The following SNTG1 variants were observed in gnomAD, a reference collection of about 807,000 sequenced individuals.
SNTG1 encodes the protein syntrophin gamma 1, also known as gamma-1-syntrophin.
Under a neutral mutation model 74.7 loss-of-function variants are expected in SNTG1, and 39 were observed. The ratio of observed to expected loss-of-function variants is 0.52; its 90% CI spans 0.40 to 0.68. SNTG1 has a LOEUF of 0.68. SNTG1 is among the 30% of genes least tolerant of loss of function. SNTG1 has a pLI of 0.00. For missense variants in SNTG1, 685 were observed against 609.5 expected (o/e 1.12, Z -1.30); for synonymous variants, 254 against 217.1 (o/e 1.17, Z -1.49).
chr8:50,682,423 G>A (rs1285853787), intron 15 of SNTG1, among the ~76,000 whole-genome samples: 1 of 152,230 alleles, frequency 6.6e-6, no homozygotes, highest in East Asian at 1.9e-4. Context: ...GTCAAAGCAG[G>A]TGACCAGGGG....
intron 1 of SNTG1, among the ~76,000 whole-genome samples, chr8:50,060,705 T>C (rs183541941): frequency 6.6e-6 from 1 of 152,232 alleles, no homozygotes; most frequent in Non-Finnish European, 1.5e-5. Flanking sequence ...TTTAAAATGC[T>C]ATTTCTCTAG....
chr8:50,665,712 A>G (rs947886102), intron 15 of SNTG1, among the ~76,000 whole-genome samples: 5 of 152,164 alleles, frequency 3.3e-5, no homozygotes, highest in Non-Finnish European at 5.9e-5. Flanking sequence ...AAGAGCATCT[A>G]TTGGGCAAAT....
At chr8:50,009,799 A>C (rs1815593102) in intron 1 of SNTG1, among the ~76,000 whole-genome samples, 1 of 152,096 alleles carries the variant, frequency 6.6e-6, no homozygotes, top group Non-Finnish European at 1.5e-5. Flanking sequence ...GGAGTTTGAG[A>C]CCAGCCTGGG....
At chr8:50,238,969 G>A (rs987276929) in intron 2 of SNTG1, among the ~76,000 whole-genome samples, 1 of 152,046 alleles carries the variant, frequency 6.6e-6, no homozygotes. Context: ...TGAGAATGGC[G>A]ATTATTAAAA....
intron 17 of SNTG1, among the ~76,000 whole-genome samples, chr8:50,746,772 TA>T (rs1355042723): frequency 6.7e-6 from 1 of 149,772 alleles, no homozygotes; most frequent in African/African-American, 2.4e-5. Flanking sequence ...CTGATTGTCT[TA>T]ACATTTTTGT....
At chr8:50,180,644 C>A (rs2083167852) in intron 2 of SNTG1, among the ~76,000 whole-genome samples, 1 of 151,726 alleles carries the variant, frequency 6.6e-6, no homozygotes, top group South Asian at 2.1e-4. Flanking sequence ...CCACCACCTT[C>A]AACACATTTT....
intron 17 of SNTG1, among the ~76,000 whole-genome samples, chr8:50,726,527 A>G (rs2095500544): frequency 6.6e-6 from 1 of 152,198 alleles, no homozygotes; most frequent in Admixed American, 6.6e-5. Flanking sequence ...GGAACAGAGT[A>G]CAGTTGAAAG....
chr8:50,039,878 C>T (rs928771224), intron 1 of SNTG1, among the ~76,000 whole-genome samples: 4 of 152,074 alleles, frequency 2.6e-5, no homozygotes, highest in African/African-American at 4.8e-5. Flanking sequence ...ATTGACTGCC[C>T]GGGGTGTGGA....
At chr8:50,706,664 G>A (rs1180572831) in intron 16 of SNTG1, among the ~76,000 whole-genome samples, 1 of 152,022 alleles carries the variant, frequency 6.6e-6, no homozygotes, top group East Asian at 1.9e-4. Flanking sequence ...AACATTTAAT[G>A]TCTTTTTAGC....
At chr8:50,681,303 T>A (rs2131389733) in intron 15 of SNTG1, among the ~76,000 whole-genome samples, 1 of 152,226 alleles carries the variant, frequency 6.6e-6, no homozygotes, top group African/African-American at 2.4e-5. Context: ...TTTTTAAATG[T>A]CATTTATGGA....
intron 5 of SNTG1, among the ~76,000 whole-genome samples, chr8:50,445,754 G>A (rs1348514625): frequency 6.6e-6 from 1 of 152,182 alleles, no homozygotes; most frequent in Admixed American, 6.5e-5. Flanking sequence ...ACAGTCATGA[G>A]CCACAGTCCC....
In SNTG1 at chr8:50,134,182, G is replaced by A. The variant is rs181201281; in HGVS notation, c.-102-38379G>A. ...TTAATATCAGTGTTGCTGTCAGAAA[G>A]GAAGAGATCCTTGAATTGATGAGAA... On this transcript the variant is annotated intron_variant, in intron 1 of 18. Coordinates refer to ENST00000642720, the MANE Select transcript of SNTG1 (RefSeq NM_018967.5). Among the ~76,000 whole-genome samples the A allele has an allele frequency of 3.7e-4, 57 of 152,246 alleles. 1 individual carries two copies. The East Asian group carries it at 0.011, about 29-fold the overall frequency.
intron 4 of SNTG1, among the ~76,000 whole-genome samples, chr8:50,424,173 G>A (rs2093132522): frequency 6.6e-6 from 1 of 152,126 alleles, no homozygotes; most frequent in Non-Finnish European, 1.5e-5. Flanking sequence ...CACTGCAAAT[G>A]AAGGGATTAA....
chr8:50,620,391 T>G (rs2094913957), intron 13 of SNTG1, among the ~76,000 whole-genome samples: 1 of 152,202 alleles, frequency 6.6e-6, no homozygotes, highest in African/African-American at 2.4e-5. Context: ...TTCAGGGTCA[T>G]GTCAGCAGCA....
At chr8:49,975,524 C>G (rs1812110600) in intron 1 of SNTG1, among the ~76,000 whole-genome samples, 1 of 152,028 alleles carries the variant, frequency 6.6e-6, no homozygotes, top group Admixed American at 6.5e-5. Flanking sequence ...TCTCCACAAT[C>G]TGATAATTTT....
At chr8:50,291,512 A>G (rs1444185114) in intron 2 of SNTG1, among the ~76,000 whole-genome samples, 6 of 152,182 alleles carry the variant, frequency 3.9e-5, no homozygotes, top group Non-Finnish European at 8.8e-5. Context: ...GGCCAGTGAC[A>G]TAATAAATGA....
intron 1 of SNTG1, among the ~76,000 whole-genome samples, chr8:49,946,630 G>A (rs911275689): frequency 2.6e-5 from 4 of 152,102 alleles, no homozygotes; most frequent in African/African-American, 7.2e-5. Context: ...TGGAAAAGCA[G>A]GGAAGTGTAT....
intron 1 of SNTG1, among the ~76,000 whole-genome samples, chr8:50,140,296 C>A (rs988227144): frequency 6.6e-6 from 1 of 152,160 alleles, no homozygotes; most frequent in African/African-American, 2.4e-5. Flanking sequence ...GGCATTGCAT[C>A]TTTCCAGTTG....
At chr8:50,348,396 C>A (rs941833032) in intron 2 of SNTG1, among the ~76,000 whole-genome samples, 18 of 152,172 alleles carry the variant, frequency 1.2e-4, no homozygotes, top group Non-Finnish European at 1.8e-4. Context: ...CCGCTCCTTT[C>A]TGGAGTTGGA....
Sources: allele counts gnomAD v4.1 joint callset (sites outside exome capture counted in the v4.1 genomes callset), GRCh38; gene constraint gnomAD v4.1.1; transcripts MANE v1.5; gene names NCBI Gene and HGNC (gene_info 2026-07-23, HGNC 2026-07-21).